ZFAND6: variants seen among roughly 807,000 people sequenced by gnomAD.
ZFAND6 encodes the protein zinc finger AN1-type containing 6.
In ZFAND6, 12 loss-of-function variants were observed where a neutral mutation model predicts 24.5. The ratio of observed to expected loss-of-function variants is 0.49; its 90% confidence interval spans 0.31 to 0.79. The LOEUF is 0.79. ZFAND6 is among the 30% of genes least tolerant of loss of function. The pLI is 0.04. For synonymous variants in ZFAND6, 92 were observed against 81.5 expected, an observed-to-expected ratio of 1.13 and a Z score of -0.69; for missense variants, 207 against 245.9, an observed-to-expected ratio of 0.84 and a Z score of 1.06.
At chr15:80,106,585 GTT>G (rs3082081) in intron 2 of ZFAND6, among the ~76,000 whole-genome samples, 10 of 131,262 alleles carry the variant, frequency 7.6e-5, no homozygotes, top group African/African-American at 1.1e-4. Flanking sequence ...TGTTAAATTT[GTT>G]TTTTTTTTTT....
intron 1 of ZFAND6, among the ~76,000 whole-genome samples, chr15:80,084,620 A>G (rs1307123090): frequency 6.6e-6 from 1 of 152,196 alleles, no homozygotes; most frequent in Non-Finnish European, 1.5e-5. Flanking sequence ...GTTGGCAGAG[A>G]GATGATAGTT....
At chr15:80,125,400 G>A (rs888359456) in intron 5 of ZFAND6, among the ~76,000 whole-genome samples, 23 of 152,176 alleles carry the variant, frequency 1.5e-4, no homozygotes, top group African/African-American at 5.5e-4. Context: ...GCAGCTATAT[G>A]TCTAAGCCAG....
At chr15:80,075,819 C>G (rs1277638409) in intron 1 of ZFAND6, among the ~76,000 whole-genome samples, 1 of 152,074 alleles carries the variant, frequency 6.6e-6, no homozygotes, top group African/African-American at 2.4e-5. Flanking sequence ...GAACTCGAAA[C>G]AGTTTTGTCG....
chr15:80,131,480 AG>A lies in ZFAND6; in HGVS notation c.478+188del, dbSNP rs528647989. Reference sequence around the variant, plus strand: ...TTATACACCTAAAAGTGAAATGAATAGCTTTTTTAAAAAAAGTTTTATTTCA... The same window carrying A: ...TTATACACCTAAAAGTGAAATGAATACTTTTTTAAAAAAAGTTTTATTTCA... On this transcript the variant is annotated intron_variant, in intron 6 of 6. Transcript: ENST00000261749. 128 of 474,508 alleles carry A rather than the reference AG, an allele frequency of 2.7e-4. No homozygotes were observed. The East Asian group carries it at 4.0e-3, about 15-fold the overall frequency. 29.4% of individuals were successfully genotyped at this position (474,508 alleles called of 1,614,324 possible). A position where few individuals can be genotyped will look rare whatever the true frequency, so the allele number is the denominator to read the frequency against.
chr15:80,068,815 A>T (rs962250417), intron 1 of ZFAND6, among the ~76,000 whole-genome samples: 4 of 151,954 alleles, frequency 2.6e-5, no homozygotes, highest in African/African-American at 9.7e-5. Flanking sequence ...GGCTCTCATT[A>T]TGTTTCTGTG....
chr15:80,091,005 A>G (rs972897327), intron 1 of ZFAND6, among the ~76,000 whole-genome samples: 2 of 152,200 alleles, frequency 1.3e-5, no homozygotes, highest in South Asian at 2.1e-4. Context: ...GAAATATTCT[A>G]TCTTGTTGAA....
intron 3 of ZFAND6, among the ~76,000 whole-genome samples, chr15:80,121,059 G>T (rs2040124353): frequency 6.6e-6 from 1 of 152,190 alleles, no homozygotes; most frequent in Non-Finnish European, 1.5e-5. Flanking sequence ...GGATCATGCG[G>T]ATTCCAAGTA....
chr15:80,076,418 C>T (rs1159190278), intron 1 of ZFAND6, among the ~76,000 whole-genome samples: 5 of 151,714 alleles, frequency 3.3e-5, no homozygotes, highest in Non-Finnish European at 7.4e-5. Flanking sequence ...TAAGGCCACA[C>T]GGTATGATTT....
At chr15:80,080,110 C>T (rs1198203700) in intron 1 of ZFAND6, among the ~76,000 whole-genome samples, 1 of 151,890 alleles carries the variant, frequency 6.6e-6, no homozygotes, top group Non-Finnish European at 1.5e-5. Flanking sequence ...GCAGTTCTCC[C>T]GTCTCAGCCT....
chr15:80,079,375 C>T (rs978116236), intron 1 of ZFAND6, among the ~76,000 whole-genome samples: 1 of 151,884 alleles, frequency 6.6e-6, no homozygotes, highest in Admixed American at 6.6e-5. Context: ...CACCCGCCAC[C>T]ACGCTTGGCT....
intron 2 of ZFAND6, 128 bp downstream of exon 2, chr15:80,098,706 TGGTGG>T (rs2038869858): frequency 6.6e-6 from 1 of 152,144 alleles, no homozygotes; most frequent in Admixed American, 6.5e-5. Context: ...GTATTTTTTC[TGGTGG>T]GTAGGATACT....
intron 1 of ZFAND6, among the ~76,000 whole-genome samples, chr15:80,083,476 A>T (rs1271649868): frequency 6.6e-6 from 1 of 152,240 alleles, no homozygotes; most frequent in African/African-American, 2.4e-5. Flanking sequence ...CCAGATTATC[A>T]TTGGAGCAGA....
At chr15:80,121,564 T>G (rs541553410) in intron 3 of ZFAND6, 148 bp from the exon 4 acceptor site, 4 of 509,654 alleles carry the variant, frequency 7.8e-6, no homozygotes, top group Non-Finnish European at 1.3e-5. Context: ...CGTTGAAAAA[T>G]TTTTTAAAAA....
At chr15:80,078,357 C>A (rs145705114) in intron 1 of ZFAND6, among the ~76,000 whole-genome samples, 11 of 152,314 alleles carry the variant, frequency 7.2e-5, no homozygotes, top group Admixed American at 4.6e-4. Context: ...TGGCCTCCAG[C>A]CCCATCCATG....
intron 1 of ZFAND6, among the ~76,000 whole-genome samples, chr15:80,097,651 C>CAAAT (rs71453502): frequency 0.026 from 3,883 of 150,082 alleles, 172 homozygotes; most frequent in African/African-American, 0.085. Flanking sequence ...GAAACTGTCT[C>CAAAT]AAATAAATAA....
At chr15:80,073,921 T>C (rs2037121002) in intron 1 of ZFAND6, among the ~76,000 whole-genome samples, 1 of 151,920 alleles carries the variant, frequency 6.6e-6, no homozygotes, top group Non-Finnish European at 1.5e-5. Flanking sequence ...CACCTGTGTG[T>C]AGCTGTAAAA....
intron 2 of ZFAND6, chr15:80,112,965 C>A (rs2039685415): frequency 2.4e-6 from 1 of 414,868 alleles, no homozygotes; most frequent in Non-Finnish European, 4.8e-6. Flanking sequence ...TTCACCCATT[C>A]TGAGCAGTTA....
At chr15:80,066,889 T>C (rs899004674) in intron 1 of ZFAND6, among the ~76,000 whole-genome samples, 3 of 141,306 alleles carry the variant, frequency 2.1e-5, no homozygotes, top group East Asian at 2.1e-4. Flanking sequence ...ACAGTGAGAC[T>C]CCATCTCCCA....
intron 1 of ZFAND6, 25 bp from the exon 2 acceptor site, chr15:80,098,391 C>CT (rs2038854815): frequency 6.6e-6 from 1 of 152,188 alleles, no homozygotes; most frequent in African/African-American, 2.4e-5. Context: ...TGTCTCAACT[C>CT]TGTTTCATGT....
Sources: gnomAD v4.1 joint callset for allele counts (sites outside exome capture counted in the v4.1 genomes callset) on GRCh38, gnomAD v4.1.1 for gene constraint, MANE v1.5 for transcripts, NCBI Gene and HGNC (gene_info 2026-07-23, HGNC 2026-07-21) for gene names.